Variants in TSPOAP1 observed in about 807,000 individuals in gnomAD.
TSPOAP1 encodes TSPO associated protein 1.
TSPOAP1 carries 87 observed loss-of-function variants against 197.0 expected under a neutral mutation model. The ratio of observed to expected loss-of-function variants is 0.44; its 90% CI spans 0.37 to 0.53. The LOEUF (loss-of-function observed/expected upper bound fraction) is 0.53. Ranked by LOEUF, TSPOAP1 falls within the 20% of genes least tolerant of loss-of-function variation. TSPOAP1 has a pLI of 0.00. For synonymous variants in TSPOAP1, 913 were observed against 998.9 expected, an observed-to-expected ratio of 0.91 and a Z score of 1.62; for missense variants, 2,174 against 2,411.3, an observed-to-expected ratio of 0.90 and a Z score of 2.06.
In TSPOAP1 at chr17:58,309,072, A is replaced by G. The variant is rs1285475206; in HGVS notation, c.4200T>C (p.Val1400=). The G allele has an allele frequency of 1.2e-6, 2 of 1,612,962 alleles. No individual in the cohort carries two copies. Among genetic ancestry groups the G allele is most frequent in the Non-Finnish European group, 1.7e-6 (2 of 1,179,994 alleles). ...GDCLEDMPGL[V]GGSSRRRGGG... is the part of the protein sequence containing the mutation. ...CTCCTCTCCTCCGGCTGCTTCCACC[A>G]ACTAATCCAGGCATGTCTTCCAGGC... The change falls in exon 22 of 32, where the codon GTT becomes GTC. Residue 1400 remains valine, a synonymous_variant. Transcript: ENST00000343736. The surrounding 1 kb of genome is among the most constrained non-coding windows in gnomAD (Gnocchi z 5.0).
At chr17:58,317,873 G>C (rs1285322957) in intron 14 of TSPOAP1, among the ~76,000 whole-genome samples, 1 of 152,230 alleles carries the variant, frequency 6.6e-6, no homozygotes, top group East Asian at 1.9e-4. Context: ...GCCCAGAAAG[G>C]CTCAGTGACT....
rs1216286321 is a variant in TSPOAP1, at chr17:58,325,661, G to A, written c.623C>T (p.Ala208Val). 1 of 1,613,026 alleles carries A rather than the reference G, an allele frequency of 6.2e-7. No homozygotes were observed. The highest frequency in any genetic ancestry group is 1.3e-5 in the African/African-American group (1 of 75,040). ...PGTSLELCRK[A>V]LARQRARDLS... ...GTCCCGGGCTCGCTGGCGGGCTAGG[G>A]CCTTCCGACACAACTCCAAGCTGGT... Residue 208 changes from alanine to valine, a missense_variant, in exon 4 of 32, where the codon GCC becomes GTC. Ala to Val is a moderately conservative substitution (Grantham distance 64). Transcript: ENST00000343736.
At position 58,327,863 on chromosome 17, in the gene TSPOAP1, C is replaced by G. The variant is rs753305799; in HGVS notation, c.58G>C (p.Ala20Pro). Residue 20 changes from alanine to proline, a missense_variant, in exon 1 of 32, where the codon GCA (alanine) becomes CCA (proline). Ala to Pro is a conservative substitution (Grantham distance 27). Around this residue, in one of 5 missense-constraint regions of TSPOAP1, gnomAD observed 1,933 missense variants for 2,139.0 expected, o/e 0.90. Coordinates refer to ENST00000343736, the MANE Select transcript of TSPOAP1 (RefSeq NM_004758.4). ...GTCCAGCTATGCCAGGTGGGCAGTGCCCATGGCTCCATGGCTCCAGGGTCC... is the reference window on the plus strand; with the variant it reads ...GTCCAGCTATGCCAGGTGGGCAGTGGCCATGGCTCCATGGCTCCAGGGTCC... Reference protein sequence around the residue: ...PGDPGAMEPWALPTWHSWTPG... With the variant: ...PGDPGAMEPWPLPTWHSWTPG... The G allele has an allele frequency of 6.2e-7, 1 of 1,612,388 alleles. No homozygotes were observed. The highest frequency in any genetic ancestry group is 1.3e-5 in the African/African-American group (1 of 75,044).
rs201092790 is a variant in TSPOAP1 at position 58,312,435 on chromosome 17, G to T, written c.2386C>A (p.Arg796Ser). The T allele has an allele frequency of 4.3e-6, 7 of 1,613,146 alleles. No individual in the cohort carries two copies. In the East Asian group the frequency reaches 1.3e-4, roughly 31 times the overall value. Residue 796 changes from arginine (R) to serine (S), a missense_variant, in exon 17 of 32, where the codon CGT becomes AGT. By Grantham distance (110) the Arg-to-Ser change is moderately radical. This residue lies in a region of TSPOAP1 where 1,933 missense variants were observed against 2,139.0 expected (regional missense o/e 0.90). Transcript: ENST00000343736. ...GEPPAVPYPR[R>S]LVVLKQLAHS... is the part of the protein sequence containing the mutation. ...GCCAGCTGCTTGAGGACCACCAGAC[G>T]GCGGGGGTAAGGCACGGCAGGAGGC...
At position 58,322,239 on chromosome 17, in the gene TSPOAP1, G is replaced by T. The variant is rs1377477866; in HGVS notation, c.1422+69C>A. On this transcript the variant is annotated intron_variant, in intron 10 of 31. Coordinates refer to ENST00000343736, the MANE Select transcript of TSPOAP1 (RefSeq NM_004758.4). The surrounding 1 kb of genome is among the most constrained non-coding windows in gnomAD (Gnocchi z 5.0). ...GCACAGTGCCGGGCACACAGTAAAT[G>T]CTTGTGGAATGAGTGAGTGGCAAAG... 1.4e-6 allele frequency: 2 copies of T among 1,478,058 alleles called. No individual in the cohort carries two copies. Among genetic ancestry groups the T allele is most frequent in the South Asian group, 1.2e-5 (1 of 86,632 alleles). The allele number at this position is 1,478,058 out of a possible 1,614,324, so 91.6% of individuals were successfully genotyped here. A position where few individuals can be genotyped will look rare whatever the true frequency, so the allele number is the denominator to read the frequency against.
rs1178701811 is a variant in TSPOAP1 at position 58,306,569 on chromosome 17, G to A, written c.5153-156C>T. The A allele has an allele frequency of 1.7e-5, 16 of 944,948 alleles. No homozygotes were observed. The African/African-American group carries it at 1.8e-4, about 11-fold the overall frequency. 58.5% of individuals were successfully genotyped at this position (944,948 alleles called of 1,614,324 possible). A position where few individuals can be genotyped will look rare whatever the true frequency, so the allele number is the denominator to read the frequency against. ...TGACAAGAGCCCCACCCAACCTCCA[G>A]GACCCAAAATTCCTGGCTGCATGGC... On this transcript the variant is annotated intron_variant, in intron 25 of 31. Coordinates refer to ENST00000343736, the MANE Select transcript of TSPOAP1 (RefSeq NM_004758.4).
At chr17:58,316,002 G>T in intron 16 of TSPOAP1, 21 bp downstream of exon 16, 1 of 1,569,558 alleles carries the variant, frequency 6.4e-7, no homozygotes, top group South Asian at 1.1e-5. Context: ...TGGACAGAAT[G>T]ACCCCCCACT....
In TSPOAP1 at chr17:58,308,756, C is replaced by T; in HGVS notation, c.4516G>A (p.Glu1506Lys). 1 of 1,613,070 alleles carries T rather than the reference C, an allele frequency of 6.2e-7. No individual in the cohort carries two copies. The highest frequency in any genetic ancestry group is 1.3e-5 in the African/African-American group (1 of 75,064). The change falls in exon 22 of 32, where the codon GAG (glutamate) becomes AAG (lysine). Residue 1506 changes from glutamate to lysine, a missense_variant. Physicochemically the swap from Glu to Lys is moderately conservative, Grantham distance 56. Around this residue, in one of 5 missense-constraint regions of TSPOAP1, gnomAD observed 1,933 missense variants for 2,139.0 expected, o/e 0.90. Coordinates refer to ENST00000343736, the MANE Select transcript of TSPOAP1 (RefSeq NM_004758.4). ...ATGCCCCCGCTGCCCGCCTCCTGCTCATCCTCCGAATCATATTCAATGCTG... is the reference window on the plus strand; with the variant it reads ...ATGCCCCCGCTGCCCGCCTCCTGCTTATCCTCCGAATCATATTCAATGCTG... ...EISIEYDSED[E>K]QEAGSGGISI...
Position 58,320,381 on chromosome 17 carries a change from G to T in TSPOAP1, c.1473+150C>A. Reference sequence around the variant, plus strand: ...TGCCCACCCTGAGAAATAGGCCAGTGGTGGAGGGGACTCCCCCAGGTCCTG... The same window carrying T: ...TGCCCACCCTGAGAAATAGGCCAGTTGTGGAGGGGACTCCCCCAGGTCCTG... On this transcript the variant is annotated intron_variant, in intron 11 of 31. Coordinates refer to ENST00000343736, the MANE Select transcript of TSPOAP1 (RefSeq NM_004758.4). The T allele has an allele frequency of 4.8e-6, 5 of 1,036,530 alleles. No homozygotes were observed. The South Asian group carries it at 8.4e-5, about 18-fold the overall frequency. The allele number at this position is 1,036,530 out of a possible 1,614,324, so 64.2% of individuals were successfully genotyped here.
intron 26 of TSPOAP1, among the ~76,000 whole-genome samples, chr17:58,306,122 G>A (rs751351907): frequency 1.7e-4 from 26 of 152,122 alleles, no homozygotes; most frequent in Admixed American, 5.9e-4. Context: ...CATCCCCACC[G>A]GAACAAAGCC....
rs1028953546 is a variant in TSPOAP1 at position 58,322,910 on chromosome 17, G to A, written c.1194+40C>T. The A allele has an allele frequency of 1.9e-6, 3 of 1,603,834 alleles. No homozygotes were observed. The highest frequency in any genetic ancestry group is 2.6e-6 in the Non-Finnish European group (3 of 1,174,658). ...CTTGGCTGGGGACCGGGGCAGTGGT[G>A]GGAGCACAGGTCTCCACAGCACCTG... is the stretch of plus-strand genomic sequence containing the variant. On this transcript the variant is annotated intron_variant, in intron 8 of 31. Coordinates refer to ENST00000343736, the MANE Select transcript of TSPOAP1 (RefSeq NM_004758.4). The surrounding 1 kb of genome is among the most constrained non-coding windows in gnomAD (Gnocchi z 5.0).
chr17:58,308,092 C>T, intron 22 of TSPOAP1, 151 bp from the exon 23 acceptor site: 1 of 818,030 alleles, frequency 1.2e-6, no homozygotes, highest in Non-Finnish European at 1.9e-6. Context: ...CTGCTGGAGA[C>T]CTCAGACACC....
intron 1 of TSPOAP1, 133 bp downstream of exon 1, chr17:58,327,455 T>C: frequency 1.2e-6 from 1 of 815,328 alleles, no homozygotes; most frequent in Non-Finnish European, 1.9e-6. Context: ...GCCACAGAGA[T>C]GGACCCACAG....
rs368227357 is a variant in TSPOAP1 at position 58,307,899 on chromosome 17, G to T, written c.4774C>A (p.Arg1592=). ...GEARGQDGSG[R]RGPQKRGVRV... Reference sequence around the variant, plus strand: ...ACACCTCTCTTCTGGGGGCCCCTCCGCCCAGAGCCGTCCTGCCCTCTGGCC... The same window carrying T: ...ACACCTCTCTTCTGGGGGCCCCTCCTCCCAGAGCCGTCCTGCCCTCTGGCC... Residue 1592 remains arginine, a synonymous_variant, in exon 23 of 32, where the codon CGG becomes AGG. Transcript: ENST00000343736. 7.4e-6 allele frequency: 12 copies of T among 1,613,288 alleles called. No homozygotes were observed. The highest frequency in any genetic ancestry group is 1.0e-5 in the Non-Finnish European group (12 of 1,179,988).
chr17:58,306,690 T>G, intron 25 of TSPOAP1, 110 bp downstream of exon 25: 1 of 1,363,368 alleles, frequency 7.3e-7, no homozygotes, highest in Non-Finnish European at 1.0e-6. Flanking sequence ...TCCAAGGCTC[T>G]GCTAGAGTCT....
rs1971397317 is a variant in TSPOAP1, at chr17:58,321,288, T to A, written c.1423-707A>T. Among the ~76,000 whole-genome samples, 3 of 148,004 alleles carry A rather than the reference T, an allele frequency of 2.0e-5. No individual in the cohort carries two copies. In the Admixed American group the frequency reaches 2.0e-4, roughly 10 times the overall value. Reference sequence around the variant, plus strand: ...GGATTCAACTGGAATCCCACGGGGATCCTTGTCAATTCTTTTTTTTTTTTT... The same window carrying A: ...GGATTCAACTGGAATCCCACGGGGAACCTTGTCAATTCTTTTTTTTTTTTT... On this transcript the variant is annotated intron_variant, in intron 10 of 31. Coordinates refer to ENST00000343736, the MANE Select transcript of TSPOAP1 (RefSeq NM_004758.4).
chr17:58,312,206 C>T lies in TSPOAP1; in HGVS notation c.2615G>A (p.Arg872His), dbSNP rs767485533. The T allele has an allele frequency of 2.7e-5, 44 of 1,612,762 alleles. No homozygotes were observed. The highest frequency in any genetic ancestry group is 8.3e-5 in the Admixed American group (5 of 59,978). ...CCGGGCACCCACCGCCAAGCAACAG[C>T]GCAGTGGGTCAGAGCTGCCCCGGCT... Reference protein sequence around the residue: ...LTSRGSSDPLRCCLAVGARAG... With the variant: ...LTSRGSSDPLHCCLAVGARAG... The change falls in exon 17 of 32, where the codon CGC (arginine) becomes CAC (histidine). Residue 872 changes from arginine (R) to histidine (H), a missense_variant. Coordinates refer to ENST00000343736, the MANE Select transcript of TSPOAP1 (RefSeq NM_004758.4).
intron 13 of TSPOAP1, 85 bp from the exon 14 acceptor site, chr17:58,318,537 C>A: frequency 1.5e-6 from 2 of 1,334,606 alleles, no homozygotes; most frequent in Non-Finnish European, 2.0e-6. Flanking sequence ...GATATGGGGA[C>A]CAGGCCCTCC....
At position 58,302,518 on chromosome 17, in the gene TSPOAP1, C is replaced by T. The variant is rs917769599; in HGVS notation, c.*33-71G>A. 21 of 1,117,362 alleles carry T rather than the reference C, an allele frequency of 1.9e-5. No homozygotes were observed. In the African/African-American group the frequency reaches 2.8e-4, roughly 15 times the overall value. 69.2% of individuals were successfully genotyped at this position (1,117,362 alleles called of 1,614,324 possible). On this transcript the variant is annotated intron_variant, in intron 31 of 31. Coordinates refer to ENST00000343736, the MANE Select transcript of TSPOAP1 (RefSeq NM_004758.4). ...CTGACCCCCTGACCCATTTTTTCCA[C>T]AGCCTAAGGGGCCTGCAGCCTCCCA... is the stretch of plus-strand genomic sequence containing the variant.
Sources: gnomAD v4.1 joint callset for allele counts (sites outside exome capture counted in the v4.1 genomes callset) on GRCh38, gnomAD v4.1.1 for gene constraint, gnomAD v4.1.1 regional missense constraint, Gnocchi (gnomAD v3.1) non-coding constraint, MANE v1.5 for transcripts, NCBI Gene and HGNC (gene_info 2026-07-23, HGNC 2026-07-21) for gene names.